Variants in STAU2 observed in about 807,000 individuals in gnomAD.
The protein encoded by STAU2 is double-stranded RNA-binding protein Staufen homolog 2.
A neutral mutation model predicts 65.9 loss-of-function variants in STAU2; 20 were observed. The ratio of observed to expected loss-of-function variants is 0.30; its 90% CI spans 0.21 to 0.44. The LOEUF is 0.44. Ranked by LOEUF, STAU2 falls within the 20% of genes least tolerant of loss-of-function variation. The probability of loss-of-function intolerance (pLI) is 1.00; values close to 1 mark genes in which losing one functional copy is unlikely to be tolerated. For missense variants in STAU2, 558 were observed against 683.9 expected (o/e 0.82, Z 2.05); for synonymous variants, 232 against 233.9 (o/e 0.99, Z 0.07).
chr8:73,663,612 C>T (rs1277533320), intron 6 of STAU2, among the ~76,000 whole-genome samples: 1 of 148,734 alleles, frequency 6.7e-6, no homozygotes, highest in African/African-American at 2.5e-5. Context: ...AATGTCAGCA[C>T]TACTTTATTA....
intron 13 of STAU2, among the ~76,000 whole-genome samples, chr8:73,534,612 CAGAT>C (rs1019425860): frequency 1.3e-5 from 2 of 152,108 alleles, no homozygotes; most frequent in African/African-American, 4.8e-5. Context: ...TAATAACTAT[CAGAT>C]AGTCTTATAA....
At chr8:73,578,205 T>C (rs954245533) in intron 12 of STAU2, among the ~76,000 whole-genome samples, 1 of 152,212 alleles carries the variant, frequency 6.6e-6, no homozygotes, top group African/African-American at 2.4e-5. Context: ...AATCACAATT[T>C]AAATTCATTA....
chr8:73,712,089 T>C (rs1820940932), intron 3 of STAU2, among the ~76,000 whole-genome samples: 2 of 151,992 alleles, frequency 1.3e-5, no homozygotes, highest in African/African-American at 2.4e-5. Context: ...CATAAAAAAG[T>C]TATATAAATC....
intron 13 of STAU2, among the ~76,000 whole-genome samples, chr8:73,497,981 T>A (rs764321137): frequency 6.6e-6 from 1 of 151,848 alleles, no homozygotes; most frequent in African/African-American, 2.4e-5. Flanking sequence ...ATGATACAAC[T>A]TATGTACACG....
intron 12 of STAU2, among the ~76,000 whole-genome samples, chr8:73,560,370 A>G (rs1486862729): frequency 6.6e-6 from 1 of 152,106 alleles, no homozygotes; most frequent in East Asian, 1.9e-4. Flanking sequence ...GTGAGCCACC[A>G]CGCCTGGCCA....
chr8:73,614,528 G>A (rs1812693720), intron 8 of STAU2, among the ~76,000 whole-genome samples: 1 of 152,116 alleles, frequency 6.6e-6, no homozygotes, highest in Non-Finnish European at 1.5e-5. Flanking sequence ...AAGTAGGTAT[G>A]CCAAAAAAAT....
chr8:73,741,563 A>G (rs980694723), intron 1 of STAU2, among the ~76,000 whole-genome samples: 2 of 148,616 alleles, frequency 1.3e-5, no homozygotes, highest in Non-Finnish European at 3.0e-5. Context: ...CCCAGAGTGG[A>G]GTGCAACAGC....
chr8:73,608,957 A>G (rs961393778), intron 9 of STAU2, among the ~76,000 whole-genome samples: 2 of 152,304 alleles, frequency 1.3e-5, no homozygotes, highest in South Asian at 4.1e-4. Flanking sequence ...CAGCCTGGGC[A>G]ACAAGAGCAA....
intron 13 of STAU2, among the ~76,000 whole-genome samples, chr8:73,548,769 A>G (rs1807113793): frequency 6.6e-6 from 1 of 152,222 alleles, no homozygotes; most frequent in African/African-American, 2.4e-5. Flanking sequence ...TTTCACAAAC[A>G]ACACTGTTAC....
At chr8:73,581,743 A>G (rs1809999285) in intron 12 of STAU2, among the ~76,000 whole-genome samples, 1 of 132,540 alleles carries the variant, frequency 7.5e-6, no homozygotes, top group Non-Finnish European at 1.6e-5. Flanking sequence ...CCCAGAAAGC[A>G]GCCCCAAAAT....
rs756320751 is a variant in STAU2 at position 73,613,834 on chromosome 8, G to A, written c.801C>T (p.Thr267=). 16 of 1,613,610 alleles carry A rather than the reference G, an allele frequency of 9.9e-6. No individual in the cohort carries two copies. The highest frequency in any genetic ancestry group is 8.3e-5 in the Admixed American group (5 of 59,976). Residue 267 remains threonine, a synonymous_variant, in exon 9 of 15, where the codon ACC becomes ACT. Transcript: ENST00000524300. The stretch of plus-strand genomic sequence containing the variant: ...GAAGTTTTTTAAGCTCCTGTAAGAC[G>A]GTGGTCGCAGCGCGCTTCTTGGAGA... The part of the protein sequence containing the change: ...KKLSKKRAAT[T]VLQELKKLPP...
Position 73,673,089 on chromosome 8 carries a change from C to CG in STAU2, c.410+17_410+18insC. The CG allele has an allele frequency of 6.5e-7, 1 of 1,528,148 alleles. No homozygotes were observed. The highest frequency in any genetic ancestry group is 2.2e-5 in the Admixed American group (1 of 45,148). The allele number at this position is 1,528,148 out of a possible 1,614,324, so 94.7% of individuals were successfully genotyped here. A position where few individuals can be genotyped will look rare whatever the true frequency, so the allele number is the denominator to read the frequency against. On this transcript the variant is annotated intron_variant, in intron 6 of 14. Transcript: ENST00000524300. ...ATAAAATAATAATTAAGAACAAAAC[C>CG]AAAAAAGACATACAAACCTCTGATT...
intron 13 of STAU2, among the ~76,000 whole-genome samples, chr8:73,513,759 C>T (rs1822546631): frequency 6.6e-6 from 1 of 152,132 alleles, no homozygotes; most frequent in Non-Finnish European, 1.5e-5. Flanking sequence ...ACCGAGATGT[C>T]TACTGTTACT....
At chr8:73,609,625 G>A (rs1443141079) in intron 9 of STAU2, among the ~76,000 whole-genome samples, 1 of 152,052 alleles carries the variant, frequency 6.6e-6, no homozygotes, top group Non-Finnish European at 1.5e-5. Context: ...TTGCACTCCA[G>A]CCTGGCAACA....
chr8:73,743,609 G>A (rs1338352327), intron 1 of STAU2, among the ~76,000 whole-genome samples: 1 of 151,286 alleles, frequency 6.6e-6, no homozygotes, highest in East Asian at 1.9e-4. Context: ...GAGTAGCTGC[G>A]ATTACAGGCA....
chr8:73,613,987 G>A, intron 8 of STAU2, 31 bp from the exon 9 acceptor site: 2 of 1,505,056 alleles, frequency 1.3e-6, no homozygotes, highest in South Asian at 1.3e-5. Context: ...ATTAAATAAT[G>A]GATAGGCACT....
At chr8:73,603,889 T>A in intron 9 of STAU2, 26 bp from the exon 10 acceptor site, 1 of 1,575,952 alleles carries the variant, frequency 6.3e-7, no homozygotes, top group Non-Finnish European at 8.6e-7. Context: ...AGAAAAAGTT[T>A]TAAAATATGC....
At chr8:73,566,878 A>G (rs944031776) in intron 12 of STAU2, among the ~76,000 whole-genome samples, 1 of 152,216 alleles carries the variant, frequency 6.6e-6, no homozygotes, top group African/African-American at 2.4e-5. Context: ...TCTTTCAAAG[A>G]CTGCCAACCT....
At chr8:73,455,739 C>T (rs1033368499) in intron 13 of STAU2, among the ~76,000 whole-genome samples, 8 of 152,210 alleles carry the variant, frequency 5.3e-5, no homozygotes, top group African/African-American at 1.7e-4. Context: ...GAATGCTTTG[C>T]CCATATATCT....
Sources: allele counts gnomAD v4.1 joint callset (sites outside exome capture counted in the v4.1 genomes callset), GRCh38; gene constraint gnomAD v4.1.1; transcripts MANE v1.5; gene names NCBI Gene and HGNC (gene_info 2026-07-23, HGNC 2026-07-21).